Variants in NPAS3 observed in about 807,000 individuals in gnomAD.
NPAS3 encodes the protein neuronal PAS domain protein 3, also known as neuronal PAS domain-containing protein 3.
A neutral mutation model predicts 73.1 loss-of-function variants in NPAS3; 14 were observed. The ratio of observed to expected loss-of-function variants is 0.19; its 90% CI spans 0.13 to 0.30. The LOEUF (loss-of-function observed/expected upper bound fraction) is 0.30, where lower values mean the gene tolerates loss of function less well. Ranked by LOEUF, NPAS3 falls within the 10% of genes least tolerant of loss-of-function variation. The probability of loss-of-function intolerance (pLI) is 1.00; values close to 1 mark genes in which losing one functional copy is unlikely to be tolerated. For synonymous variants in NPAS3, 620 were observed against 541.5 expected (o/e 1.14, Z -2.01); for missense variants, 1,096 against 1,250.0 (o/e 0.88, Z 1.86).
rs542823628 is a variant in NPAS3 at position 33,142,699 on chromosome 14, A to G, written c.141-72483A>G. Among the ~76,000 whole-genome samples the G allele has an allele frequency of 3.3e-3, 505 of 152,330 alleles. 5 individuals carry two copies. The highest frequency in any genetic ancestry group is 0.011 in the African/African-American group (459 of 41,566). Reference sequence around the variant, plus strand: ...ATCTTTTTATTGGGGAATAGAAAGGATTATTATTTCTGAAGTATTCTATCT... The same window carrying G: ...ATCTTTTTATTGGGGAATAGAAAGGGTTATTATTTCTGAAGTATTCTATCT... On this transcript the variant is annotated intron_variant, in intron 2 of 11. Coordinates refer to ENST00000356141, the Ensembl canonical transcript of NPAS3.
intron 4 of NPAS3, among the ~76,000 whole-genome samples, chr14:33,535,650 G>C (rs2140208958): frequency 6.6e-6 from 1 of 152,172 alleles, no homozygotes; most frequent in East Asian, 1.9e-4. Context: ...TGCATCTCTG[G>C]ATTATGGATG....
intron 4 of NPAS3, among the ~76,000 whole-genome samples, chr14:33,463,356 G>A (rs1303301599): frequency 6.6e-6 from 1 of 152,064 alleles, no homozygotes; most frequent in African/African-American, 2.4e-5. Context: ...GTCACATTTT[G>A]TCTTTAAAGC....
chr14:33,500,435 C>T (rs551799854), intron 4 of NPAS3, among the ~76,000 whole-genome samples: 2 of 151,768 alleles, frequency 1.3e-5, no homozygotes, highest in African/African-American at 2.4e-5. Context: ...ATCAGTGCAG[C>T]GGAACCATCT....
chr14:33,465,917 A>C (rs561964671), intron 4 of NPAS3, among the ~76,000 whole-genome samples: 9 of 152,320 alleles, frequency 5.9e-5, no homozygotes, highest in African/African-American at 2.2e-4. Flanking sequence ...AAAATGCTAA[A>C]TTGTGTAGTA....
chr14:33,600,675 C>A (rs1332336594), intron 5 of NPAS3, among the ~76,000 whole-genome samples: 1 of 152,144 alleles, frequency 6.6e-6, no homozygotes, highest in East Asian at 1.9e-4. Flanking sequence ...GTGGTGACTA[C>A]CTTATCAAAC....
At chr14:33,116,263 C>G (rs983353099) in intron 2 of NPAS3, among the ~76,000 whole-genome samples, 1 of 152,104 alleles carries the variant, frequency 6.6e-6, no homozygotes, top group African/African-American at 2.4e-5. Flanking sequence ...AGTAAACATG[C>G]TACTTTCTGT....
intron 5 of NPAS3, among the ~76,000 whole-genome samples, chr14:33,570,445 G>A (rs546158028): frequency 6.6e-6 from 1 of 152,244 alleles, no homozygotes; most frequent in East Asian, 1.9e-4. Flanking sequence ...CATCCCTGAG[G>A]ACAGAAGATG....
chr14:33,321,665 G>C (rs892036811), intron 3 of NPAS3, among the ~76,000 whole-genome samples: 1 of 151,984 alleles, frequency 6.6e-6, no homozygotes, highest in African/African-American at 2.4e-5. Flanking sequence ...GTAAAATGGA[G>C]TTAAAGATCA....
chr14:33,015,872 T>C (rs2039372560), intron 1 of NPAS3, among the ~76,000 whole-genome samples: 1 of 152,194 alleles, frequency 6.6e-6, no homozygotes, highest in Non-Finnish European at 1.5e-5. Context: ...ATATAAATAG[T>C]ATTTAAGTAA....
intron 1 of NPAS3, among the ~76,000 whole-genome samples, chr14:33,016,613 A>AG (rs1343695580): frequency 9.7e-6 from 1 of 102,574 alleles, no homozygotes; most frequent in South Asian, 3.0e-4. Context: ...ACAGAAAAAA[A>AG]GGAAAAAAAA....
intron 2 of NPAS3, among the ~76,000 whole-genome samples, chr14:33,149,129 T>C (rs1046653861): frequency 1.2e-4 from 18 of 152,186 alleles, no homozygotes; most frequent in African/African-American, 4.3e-4. Flanking sequence ...TGATAGCTCT[T>C]ATCTGAGACA....
chr14:33,155,324 G>C (rs1204167968), intron 2 of NPAS3, among the ~76,000 whole-genome samples: 1 of 152,170 alleles, frequency 6.6e-6, no homozygotes. Context: ...TCTCTCCTTT[G>C]TAACCATTTC....
intron 1 of NPAS3, among the ~76,000 whole-genome samples, chr14:32,961,156 G>A (rs1405406624): frequency 6.6e-6 from 1 of 152,190 alleles, no homozygotes; most frequent in Non-Finnish European, 1.5e-5. Context: ...GCTCACGCCT[G>A]TAATCCCAGC....
chr14:33,510,464 G>C lies in NPAS3; in HGVS notation c.469-49657G>C, dbSNP rs188735227. On this transcript the variant is annotated intron_variant, in intron 4 of 11. Transcript: ENST00000356141. ...CTTCCAGTTCCCAGGGTGGGTGGAG[G>C]GGGGACTGGCCTTGCCTAGGTAGCC... Among the ~76,000 whole-genome samples the C allele has an allele frequency of 5.2e-3, 784 of 152,124 alleles. 5 individuals carry two copies. The highest frequency in any genetic ancestry group is 9.1e-3 in the South Asian group (44 of 4,828).
At chr14:33,175,965 A>T (rs1328178041) in intron 2 of NPAS3, among the ~76,000 whole-genome samples, 1 of 152,208 alleles carries the variant, frequency 6.6e-6, no homozygotes, top group African/African-American at 2.4e-5. Flanking sequence ...GCAGGAATTT[A>T]AAAATGCTTG....
At chr14:33,548,737 T>C (rs1391087514) in intron 4 of NPAS3, among the ~76,000 whole-genome samples, 1 of 152,190 alleles carries the variant, frequency 6.6e-6, no homozygotes, top group Non-Finnish European at 1.5e-5. Flanking sequence ...AGTTATACCT[T>C]CCCAGCAGGC....
At chr14:33,801,318 G>T (rs1289162533), downstream of NPAS3, 4 of 983,972 alleles carry the variant, frequency 4.1e-6, no homozygotes, top group African/African-American at 6.6e-5. Flanking sequence ...AGGGTCAGAC[G>T]ACCAGTTGCC....
chr14:33,319,456 G>A (rs898627856), intron 3 of NPAS3, among the ~76,000 whole-genome samples: 3 of 152,032 alleles, frequency 2.0e-5, no homozygotes, highest in African/African-American at 4.8e-5. Context: ...GTATAATGGC[G>A]AGTAAGAGAC....
At chr14:33,270,545 G>A (rs1342640670) in intron 3 of NPAS3, among the ~76,000 whole-genome samples, 1 of 152,028 alleles carries the variant, frequency 6.6e-6, no homozygotes, top group African/African-American at 2.4e-5. Context: ...AGGGAGAGAT[G>A]GAAGGGACTT....
Sources: allele counts gnomAD v4.1 joint callset (sites outside exome capture counted in the v4.1 genomes callset), GRCh38; gene constraint gnomAD v4.1.1; transcripts MANE v1.5; gene names NCBI Gene and HGNC (gene_info 2026-07-23, HGNC 2026-07-21).